The following MACF1 variants were observed in gnomAD, a reference collection of about 807,000 sequenced individuals.
The protein encoded by MACF1 is microtubule actin crosslinking factor 1.
MACF1 carries 193 observed loss-of-function variants against 854.8 expected under a neutral mutation model. That is an observed-to-expected ratio of 0.23 (90% CI 0.20 to 0.25). MACF1 has a LOEUF of 0.25. MACF1 is among the 10% of genes least tolerant of loss of function. MACF1 has a pLI of 1.00. For synonymous variants in MACF1, 3,185 were observed against 3,226.7 expected, an observed-to-expected ratio of 0.99 and a Z score of 0.44; for missense variants, 7,722 against 8,929.1, an observed-to-expected ratio of 0.86 and a Z score of 5.45.
At position 39,396,843 on chromosome 1, in the gene MACF1, A is replaced by T. The variant is rs77548933; in HGVS notation, c.15816+8185A>T. Among the ~76,000 whole-genome samples the T allele has an allele frequency of 4.9e-3, 742 of 152,324 alleles. 5 individuals carry two copies. The highest frequency in any genetic ancestry group is 0.017 in the African/African-American group (716 of 41,584). ...CTGTCTCCTGCTGAATGGATTCTTCACAAGTCTCAGCTGTCCCAGTTGGAA... is the reference window on the plus strand; with the variant it reads ...CTGTCTCCTGCTGAATGGATTCTTCTCAAGTCTCAGCTGTCCCAGTTGGAA... On this transcript the variant is annotated intron_variant, in intron 58 of 100. Transcript: ENST00000564288.
intron 54 of MACF1, 64 bp from the exon 55 acceptor site, chr1:39,380,180 A>G: frequency 1.3e-6 from 2 of 1,546,696 alleles, no homozygotes; most frequent in Non-Finnish European, 1.8e-6. Context: ...AATCATTTCT[A>G]CCACACACAC....
rs1388375831 is a variant in MACF1 at position 39,317,399 on chromosome 1, C to T, written c.3774C>T (p.Leu1258=). The part of the protein sequence containing the change: ...QERWHRVIAQ[L]EIRQSELESI... Reference sequence around the variant, plus strand: ...GTTGGCACCGAGTCATTGCCCAGCTCGAGATTCGGTGAGTGGTGGCCCCAC... The same window carrying T: ...GTTGGCACCGAGTCATTGCCCAGCTTGAGATTCGGTGAGTGGTGGCCCCAC... The change falls in exon 29 of 101, where the codon CTC becomes CTT. Residue 1258 remains leucine (L), a synonymous_variant. Transcript: ENST00000564288. The T allele has an allele frequency of 6.8e-6, 11 of 1,612,362 alleles. No homozygotes were observed. The highest frequency in any genetic ancestry group is 6.7e-5 in the East Asian group (3 of 44,886).
At chr1:39,237,021 C>G (rs1296973568) in intron 2 of MACF1, among the ~76,000 whole-genome samples, 1 of 152,206 alleles carries the variant, frequency 6.6e-6, no homozygotes, top group Non-Finnish European at 1.5e-5. Context: ...TCACCTAACT[C>G]TTTCCTGATG....
intron 58 of MACF1, among the ~76,000 whole-genome samples, chr1:39,406,738 C>CAAAAAAAAAAA (rs5773658): frequency 0.018 from 557 of 31,760 alleles, 73 homozygotes; most frequent in African/African-American, 0.078. Context: ...GAGTCTCACT[C>CAAAAAAAAAAA]AAAAAAAAAA....
chr1:39,185,639 C>G (rs12087703), intron 2 of MACF1, among the ~76,000 whole-genome samples: 4,700 of 152,148 alleles, frequency 0.031, 234 homozygotes, highest in African/African-American at 0.11. Context: ...TTAATTGTTA[C>G]GTTCTTCTGG....
chr1:39,111,670 C>T (rs926743703), intron 2 of MACF1, among the ~76,000 whole-genome samples: 3 of 152,014 alleles, frequency 2.0e-5, no homozygotes, highest in Non-Finnish European at 2.9e-5. Flanking sequence ...CGTGAGCCAC[C>T]GCACCTGGCA....
At chr1:39,211,406 G>T (rs1644514234) in intron 1 of MACF1, among the ~76,000 whole-genome samples, 1 of 152,038 alleles carries the variant, frequency 6.6e-6, no homozygotes, top group South Asian at 2.1e-4. Flanking sequence ...AACAGTAATT[G>T]TCCTTATTTT....
In MACF1 at chr1:39,099,171, T is replaced by C. The variant is rs181811252; in HGVS notation, c.220+14733T>C. ...ACTACTAGCAAAGAATTTCTTTTTTTTGAGATGGAGTTTTGCTCTTGTTGC... is the reference window on the plus strand; with the variant it reads ...ACTACTAGCAAAGAATTTCTTTTTTCTGAGATGGAGTTTTGCTCTTGTTGC... On this transcript the variant is annotated intron_variant, in intron 2 of 93. Transcript: ENST00000361689. 4.7e-3 allele frequency among the ~76,000 whole-genome samples: 719 copies of C among 152,344 alleles called. 8 individuals carry two copies. Among genetic ancestry groups the C allele is most frequent in the African/African-American group, 0.017 (693 of 41,574 alleles).
At chr1:39,223,673 C>T (rs959118950) in intron 1 of MACF1, among the ~76,000 whole-genome samples, 1 of 152,136 alleles carries the variant, frequency 6.6e-6, no homozygotes, top group Non-Finnish European at 1.5e-5. Flanking sequence ...CCTGCCACCA[C>T]GTCTGGCTAA....
chr1:39,124,714 T>C (rs1213501423), intron 2 of MACF1, among the ~76,000 whole-genome samples: 1 of 152,254 alleles, frequency 6.6e-6, no homozygotes. Context: ...CATTAACACA[T>C]CTTGTACTTA....
Position 39,284,150 on chromosome 1 carries a change from G to A in MACF1, c.1000G>A (p.Asp334Asn). The A allele has an allele frequency of 1.2e-6, 2 of 1,613,786 alleles. No individual in the cohort carries two copies. The highest frequency in any genetic ancestry group is 8.5e-7 in the Non-Finnish European group (1 of 1,179,894). ...WIKQHTILMS[D>N]KTFPQNPVEL... ...CAAACAGCATACAATACTGATGTCAGATAAAACTTTTCCCCAAAACCCTGT... is the reference window on the plus strand; with the variant it reads ...CAAACAGCATACAATACTGATGTCAAATAAAACTTTTCCCCAAAACCCTGT... Residue 334 changes from aspartate (D) to asparagine (N), a missense_variant, in exon 10 of 101, where the codon GAT becomes AAT. Physicochemically the swap from Asp to Asn is conservative, Grantham distance 23 (BLOSUM62 1). Around this residue, in one of 15 missense-constraint regions of MACF1, gnomAD observed 97 missense variants for 130.4 expected, o/e 0.74. Transcript: ENST00000564288.
Position 39,385,892 on chromosome 1 carries a change from A to G in MACF1, c.14307A>G (p.Thr4769=), listed in dbSNP as rs1416136214. ...ATGAACTGAAGAAGCGTTTGGAGACAGTTGCCCTGCCTCTCCAAGGTTTAG... is the reference window on the plus strand; with the variant it reads ...ATGAACTGAAGAAGCGTTTGGAGACGGTTGCCCTGCCTCTCCAAGGTTTAG... ...LKDELKKRLE[T]VALPLQGLED... The change falls in exon 57 of 101, where the codon ACA becomes ACG. Residue 4769 remains threonine (T), a synonymous_variant. Transcript: ENST00000564288. 6.2e-7 allele frequency: 1 copy of G among 1,613,242 alleles called. No homozygotes were observed. Among genetic ancestry groups the G allele is most frequent in the South Asian group, 1.1e-5 (1 of 91,058 alleles).
chr1:39,256,995 A>G (rs1645104810), intron 5 of MACF1, among the ~76,000 whole-genome samples: 1 of 152,160 alleles, frequency 6.6e-6, no homozygotes, highest in Admixed American at 6.5e-5. Context: ...TCTGGTGAGA[A>G]AGCAAAATGG....
At position 39,335,056 on chromosome 1, in the gene MACF1, A is replaced by G. The variant is rs146265196; in HGVS notation, c.8468A>G (p.Gln2823Arg). 1.3e-3 allele frequency: 2,065 copies of G among 1,614,054 alleles called. 27 individuals are homozygous for G. The South Asian group carries it at 0.014, about 11-fold the overall frequency. Reference protein sequence around the residue: ...RLFQVENQSAQEKVKVRVSDG... With the variant: ...RLFQVENQSAREKVKVRVSDG... Reference sequence around the variant, plus strand: ...TTTCAAGTTGAAAATCAGTCTGCACAAGAAAAGGTTAAAGTGAGAGTTTCT... The same window carrying G: ...TTTCAAGTTGAAAATCAGTCTGCACGAGAAAAGGTTAAAGTGAGAGTTTCT... The change falls in exon 37 of 101, where the codon CAA becomes CGA. Residue 2823 changes from glutamine to arginine, a missense_variant. This residue lies in a region of MACF1 where 1,531 missense variants were observed against 1,601.6 expected (regional missense o/e 0.96). Coordinates refer to ENST00000564288, the MANE Select transcript of MACF1 (RefSeq NM_001394062.1).
chr1:39,411,343 A>C lies in MACF1; in HGVS notation c.15817-11031A>C, dbSNP rs867730826. 3.7e-6 allele frequency: 6 copies of C among 1,613,930 alleles called. No homozygotes were observed. The African/African-American group carries it at 5.3e-5, about 14-fold the overall frequency. On this transcript the variant is annotated intron_variant, in intron 58 of 100. Transcript: ENST00000564288. ...AGATGAGAAGAACAGCCTGGCAGAT[A>C]TTTTTGAAGAAAGAGAACAAGCAAA...
In MACF1 at chr1:39,442,516, A is replaced by T. The variant is rs1306003144; in HGVS notation, c.19053A>T (p.Arg6351Ser). 13 of 1,614,214 alleles carry T rather than the reference A, an allele frequency of 8.1e-6. No homozygotes were observed. Among genetic ancestry groups the T allele is most frequent in the Non-Finnish European group, 1.1e-5 (13 of 1,180,032 alleles). ...CCGAAGAGTTGTTAGATGCTCAGAG[A>T]CCAATAAGTGGAGACCCAAAAGTCA... is the stretch of plus-strand genomic sequence containing the variant. ...THTEELLDAQ[R>S]PISGDPKVIE... is the part of the protein sequence containing the mutation. Residue 6351 changes from arginine to serine, a missense_variant, in exon 77 of 101, where the codon AGA (arginine) becomes AGT (serine). Arg to Ser is a moderately radical substitution (Grantham distance 110, BLOSUM62 -1). This residue lies in a region of MACF1 where 2,807 missense variants were observed against 3,235.8 expected (regional missense o/e 0.87). Coordinates refer to ENST00000564288, the MANE Select transcript of MACF1 (RefSeq NM_001394062.1).
At chr1:39,303,610 G>A (rs1449340965) in intron 23 of MACF1, among the ~76,000 whole-genome samples, 1 of 151,512 alleles carries the variant, frequency 6.6e-6, no homozygotes, top group Non-Finnish European at 1.5e-5. Context: ...CCAACACTTT[G>A]GGAGGCCGAG....
intron 97 of MACF1, 43 bp downstream of exon 97, chr1:39,469,658 A>G (rs1260200437): frequency 7.0e-7 from 1 of 1,421,904 alleles, no homozygotes; most frequent in Non-Finnish European, 9.7e-7. Flanking sequence ...ACCCTAGCCC[A>G]TTGAGAATGG....
At chr1:39,380,121 A>T in intron 54 of MACF1, 123 bp from the exon 55 acceptor site, 1 of 917,220 alleles carries the variant, frequency 1.1e-6, no homozygotes, top group South Asian at 1.5e-5. Context: ...CCACTAAACA[A>T]GTCATTGATA....
Sources: allele counts gnomAD v4.1 joint callset (sites outside exome capture counted in the v4.1 genomes callset), GRCh38; gene constraint gnomAD v4.1.1; regional missense constraint gnomAD v4.1.1; transcripts MANE v1.5; gene names NCBI Gene and HGNC (gene_info 2026-07-23, HGNC 2026-07-21).